The following CADPS2 variants were observed in gnomAD, a reference collection of about 807,000 sequenced individuals.
CADPS2 encodes calcium dependent secretion activator 2, also known as calcium-dependent secretion activator 2.
CADPS2 carries 93 observed loss-of-function variants against 172.5 expected under a neutral mutation model. That is an observed-to-expected ratio of 0.54 (90% CI 0.46 to 0.64). CADPS2 has a LOEUF of 0.64. Ranked by LOEUF, CADPS2 falls within the 30% of genes least tolerant of loss-of-function variation. The probability of loss-of-function intolerance (pLI) is 0.00; values close to 1 mark genes in which losing one functional copy is unlikely to be tolerated. For synonymous variants in CADPS2, 546 were observed against 555.2 expected (o/e 0.98, Z 0.23); for missense variants, 1,420 against 1,565.9 (o/e 0.91, Z 1.57).
At chr7:122,769,323 A>G (rs2093644145) in intron 1 of CADPS2, among the ~76,000 whole-genome samples, 2 of 152,198 alleles carry the variant, frequency 1.3e-5, no homozygotes, top group South Asian at 4.1e-4. Context: ...AACAGGATAG[A>G]TAGAGCTTTC....
At chr7:122,831,829 T>C (rs1398333823) in intron 1 of CADPS2, among the ~76,000 whole-genome samples, 1 of 152,182 alleles carries the variant, frequency 6.6e-6, no homozygotes, top group Non-Finnish European at 1.5e-5. Context: ...TGGTTTGTGA[T>C]AAATTATAAT....
intron 1 of CADPS2, among the ~76,000 whole-genome samples, chr7:122,752,021 T>C (rs17144794): frequency 1.9e-3 from 288 of 151,872 alleles, no homozygotes; most frequent in African/African-American, 6.7e-3. Flanking sequence ...CTCCATTTTA[T>C]AGGAGAAACT....
intron 2 of CADPS2, among the ~76,000 whole-genome samples, chr7:122,712,448 G>C (rs967565588): frequency 6.6e-6 from 1 of 152,120 alleles, no homozygotes; most frequent in East Asian, 1.9e-4. Flanking sequence ...CCTACTATGT[G>C]CATAGTACTT....
At chr7:122,699,098 G>C (rs889862312) in intron 2 of CADPS2, 10 of 558,760 alleles carry the variant, frequency 1.8e-5, no homozygotes, top group Non-Finnish European at 2.9e-5. Flanking sequence ...TTACTAGAGA[G>C]AGGTGAAAAA....
chr7:122,597,939 C>G (rs1294706988), intron 6 of CADPS2, among the ~76,000 whole-genome samples: 1 of 151,208 alleles, frequency 6.6e-6, no homozygotes, highest in Non-Finnish European at 1.5e-5. Flanking sequence ...ACAAGAATAA[C>G]ACAAACATGG....
Position 122,633,731 on chromosome 7 carries a change from T to C in CADPS2, c.787-4403A>G, listed in dbSNP as rs1033960755. 4.6e-5 allele frequency among the ~76,000 whole-genome samples: 7 copies of C among 152,280 alleles called. No individual in the cohort carries two copies. The East Asian group carries it at 9.7e-4, about 21-fold the overall frequency. ...CTCTGGCTGGGCTTCTAGTACTACGTTGAACAGGAGTGGTGCGAGTGGACA... is the reference window on the plus strand; with the variant it reads ...CTCTGGCTGGGCTTCTAGTACTACGCTGAACAGGAGTGGTGCGAGTGGACA... On this transcript the variant is annotated intron_variant, in intron 3 of 29. Transcript: ENST00000449022.
In CADPS2 at chr7:122,812,138, C is replaced by A. The variant is rs565407025; in HGVS notation, c.339+73861G>T. ...TTCCCCAGGGATTCCTGAAGCAAAT[C>A]AATTCCCCATCTATAAGATGGAAAA... On this transcript the variant is annotated intron_variant, in intron 1 of 29. Coordinates refer to ENST00000449022, the MANE Select transcript of CADPS2 (RefSeq NM_017954.11). Among the ~76,000 whole-genome samples, 3 of 151,866 alleles carry A rather than the reference C, an allele frequency of 2.0e-5. No homozygotes were observed. In the South Asian group the frequency reaches 6.2e-4, roughly 32 times the overall value.
intron 24 of CADPS2, among the ~76,000 whole-genome samples, chr7:122,379,788 C>T (rs1248086096): frequency 6.6e-6 from 1 of 152,040 alleles, no homozygotes; most frequent in Admixed American, 6.6e-5. Context: ...GTTGGTTTAG[C>T]TGGAGAAGCA....
At chr7:122,471,878 A>G (rs537276426) in intron 13 of CADPS2, among the ~76,000 whole-genome samples, 1 of 152,128 alleles carries the variant, frequency 6.6e-6, no homozygotes, top group African/African-American at 2.4e-5. Flanking sequence ...TTACTCCAAA[A>G]ATCTCAGTCT....
At position 122,805,856 on chromosome 7, in the gene CADPS2, G is replaced by A. The variant is rs534007252; in HGVS notation, c.340-68788C>T. Reference sequence around the variant, plus strand: ...TACCTTTAATTTGCTACAGCCCTGTGAATGCTTAAATTTGGATAGGGCAGC... The same window carrying A: ...TACCTTTAATTTGCTACAGCCCTGTAAATGCTTAAATTTGGATAGGGCAGC... On this transcript the variant is annotated intron_variant, in intron 1 of 29. Transcript: ENST00000449022. Among the ~76,000 whole-genome samples, 3 of 152,316 alleles carry A rather than the reference G, an allele frequency of 2.0e-5. No homozygotes were observed. In the East Asian group the frequency reaches 5.8e-4, roughly 29 times the overall value.
At chr7:122,502,579 G>C (rs983449356) in intron 9 of CADPS2, among the ~76,000 whole-genome samples, 3 of 151,692 alleles carry the variant, frequency 2.0e-5, no homozygotes, top group African/African-American at 7.3e-5. Flanking sequence ...CTGTTTTATT[G>C]TTCCATTCAT....
At chr7:122,861,514 GCA>G (rs997233609) in intron 1 of CADPS2, among the ~76,000 whole-genome samples, 2 of 152,164 alleles carry the variant, frequency 1.3e-5, no homozygotes, top group African/African-American at 4.8e-5. Flanking sequence ...CTTGTCAGAT[GCA>G]CAGTTTATAA....
chr7:122,848,692 ATAAG>A (rs1812695703), intron 1 of CADPS2, among the ~76,000 whole-genome samples: 2 of 152,242 alleles, frequency 1.3e-5, no homozygotes, highest in Non-Finnish European at 2.9e-5. Flanking sequence ...TCAGGTTAAA[ATAAG>A]TATTTCCATG....
In CADPS2 at chr7:122,886,236, T is replaced by A. The variant is rs1328314466; in HGVS notation, c.102A>T (p.Pro34=). 2.0e-6 allele frequency: 3 copies of A among 1,498,060 alleles called. No homozygotes were observed. Among genetic ancestry groups the A allele is most frequent in the African/African-American group, 2.9e-5 (2 of 68,240 alleles). The allele number at this position is 1,498,060 out of a possible 1,614,324, so 92.8% of individuals were successfully genotyped here. Residue 34 remains proline (P), a synonymous_variant, in exon 1 of 30, where the codon CCA becomes CCT. Coordinates refer to ENST00000449022, the MANE Select transcript of CADPS2 (RefSeq NM_017954.11). The part of the protein sequence containing the change: ...VAAGSSQRAP[P]APTREGRRDA... ...CCCGCCGCCCTTCCCGAGTCGGGGC[T>A]GGAGGAGCTCGCTGCGAGCTGCCGG...
chr7:122,754,308 TTTTA>T (rs1179116715), intron 1 of CADPS2, among the ~76,000 whole-genome samples: 3 of 152,186 alleles, frequency 2.0e-5, no homozygotes, highest in African/African-American at 7.2e-5. Flanking sequence ...TCTGCTTTTG[TTTTA>T]TTTGTTAACC....
At chr7:122,728,398 G>A (rs976125129) in intron 2 of CADPS2, among the ~76,000 whole-genome samples, 3 of 151,880 alleles carry the variant, frequency 2.0e-5, no homozygotes, top group East Asian at 3.9e-4. Context: ...AGAGAGATAA[G>A]TGAAATGGAA....
At chr7:122,655,866 C>T (rs1036574000) in intron 3 of CADPS2, among the ~76,000 whole-genome samples, 3 of 152,042 alleles carry the variant, frequency 2.0e-5, no homozygotes, top group Admixed American at 1.3e-4. Context: ...TTTCAAATCT[C>T]AGAACTGAAA....
At chr7:122,513,211 A>G (rs1373569253) in intron 9 of CADPS2, 38 bp downstream of exon 9, 5 of 1,405,756 alleles carry the variant, frequency 3.6e-6, no homozygotes, top group Non-Finnish European at 4.9e-6. Context: ...GAGAACTGCT[A>G]TCTTAGAGTG....
intron 13 of CADPS2, among the ~76,000 whole-genome samples, chr7:122,473,629 G>C (rs1468328867): frequency 1.3e-5 from 2 of 152,170 alleles, no homozygotes; most frequent in Non-Finnish European, 2.9e-5. Flanking sequence ...GATAGAAATA[G>C]GCATTTTCTG....
Sources: allele counts gnomAD v4.1 joint callset (sites outside exome capture counted in the v4.1 genomes callset), GRCh38; gene constraint gnomAD v4.1.1; transcripts MANE v1.5; gene names NCBI Gene and HGNC (gene_info 2026-07-23, HGNC 2026-07-21).